The following TENM4 variants were observed in gnomAD, a reference collection of about 807,000 sequenced individuals.
The protein encoded by TENM4 is teneurin transmembrane protein 4.
A neutral mutation model predicts 243.3 loss-of-function variants in TENM4; 82 were observed. The observed-to-expected ratio is 0.34, with a 90% CI of 0.28 to 0.40. The LOEUF (loss-of-function observed/expected upper bound fraction) is 0.40, where lower values mean the gene tolerates loss of function less well. Ranked by LOEUF, TENM4 falls within the 10% of genes least tolerant of loss-of-function variation. The pLI is 1.00. For missense variants in TENM4, 3,138 were observed against 3,673.3 expected (o/e 0.85, Z 3.77); for synonymous variants, 1,412 against 1,456.3 (o/e 0.97, Z 0.69).
At chr11:78,746,264 C>T (rs1856049293) in intron 19 of TENM4, among the ~76,000 whole-genome samples, 1 of 152,250 alleles carries the variant, frequency 6.6e-6, no homozygotes, top group African/African-American at 2.4e-5. Flanking sequence ...ACCAGCTCCG[C>T]CATGGTGCCG....
chr11:79,243,943 G>C (rs1855469597), intron 2 of TENM4, among the ~76,000 whole-genome samples: 1 of 152,202 alleles, frequency 6.6e-6, no homozygotes, highest in Non-Finnish European at 1.5e-5. Flanking sequence ...TTAAAATGCA[G>C]ACTGTGATCC....
chr11:79,011,997 A>T (rs1858655518), intron 6 of TENM4, among the ~76,000 whole-genome samples: 1 of 152,022 alleles, frequency 6.6e-6, no homozygotes, highest in Non-Finnish European at 1.5e-5. Flanking sequence ...TTTATGTAAA[A>T]GTTGGTGGGC....
chr11:79,386,763 A>T (rs111958492), intron 1 of TENM4, among the ~76,000 whole-genome samples: 429 of 38,814 alleles, frequency 0.011, 2 homozygotes, highest in African/African-American at 0.026. Context: ...TTTTTTTTTT[A>T]AGTGAGCAAA....
intron 29 of TENM4, among the ~76,000 whole-genome samples, chr11:78,676,788 C>T (rs965292966): frequency 6.6e-6 from 1 of 152,106 alleles, no homozygotes; most frequent in African/African-American, 2.4e-5. Flanking sequence ...TTAACCAAGC[C>T]TCAAATAGAT....
intron 6 of TENM4, among the ~76,000 whole-genome samples, chr11:78,960,305 C>T (rs1239220526): frequency 1.3e-5 from 2 of 151,890 alleles, no homozygotes; most frequent in Admixed American, 6.6e-5. Context: ...ATGGAGAATG[C>T]AGGGTGTAAA....
intron 1 of TENM4, among the ~76,000 whole-genome samples, chr11:79,354,333 G>C (rs1043501402): frequency 2.0e-5 from 3 of 152,222 alleles, no homozygotes; most frequent in Non-Finnish European, 4.4e-5. Flanking sequence ...AGGGAATCTT[G>C]AAGGAAGTCA....
intron 1 of TENM4, among the ~76,000 whole-genome samples, chr11:79,359,363 A>G (rs1857553190): frequency 1.3e-5 from 2 of 152,204 alleles, no homozygotes; most frequent in South Asian, 4.1e-4. Context: ...ATTCTTACAC[A>G]TCATCCAGAT....
rs1293900264 is a variant in TENM4 at position 79,003,605 on chromosome 11, G to C, written c.493+61133C>G. On this transcript the variant is annotated intron_variant, in intron 6 of 33. Transcript: ENST00000278550. ...CTTTTCAGATAAGCAAATGGTAAGG[G>C]AATTTGCTACCATGAGACCTGCCTT... Among the ~76,000 whole-genome samples, 3 of 152,204 alleles carry C rather than the reference G, an allele frequency of 2.0e-5. No individual in the cohort carries two copies. The East Asian group carries it at 5.8e-4, about 29-fold the overall frequency.
intron 6 of TENM4, among the ~76,000 whole-genome samples, chr11:78,925,927 T>G (rs546057564): frequency 4.7e-5 from 7 of 150,042 alleles, no homozygotes; most frequent in Admixed American, 2.0e-4. Flanking sequence ...ATAGTTACAG[T>G]GCACTATTTG....
intron 9 of TENM4, among the ~76,000 whole-genome samples, chr11:78,887,054 T>C (rs1855562503): frequency 6.6e-6 from 1 of 152,242 alleles, no homozygotes; most frequent in Non-Finnish European, 1.5e-5. Context: ...ATCTGTGTCC[T>C]ATCACTGCTT....
intron 16 of TENM4, among the ~76,000 whole-genome samples, chr11:78,780,341 G>A (rs75480847): frequency 0.014 from 2,060 of 152,300 alleles, 16 homozygotes; most frequent in African/African-American, 0.03. Flanking sequence ...TCATCTCCCA[G>A]GATATGCTAT....
At chr11:79,228,543 G>A (rs1864317010) in intron 2 of TENM4, among the ~76,000 whole-genome samples, 2 of 151,900 alleles carry the variant, frequency 1.3e-5, no homozygotes, top group Admixed American at 1.3e-4. Flanking sequence ...GACCTCACGT[G>A]CCCACCCACG....
At chr11:78,771,802 T>G (rs957845349) in intron 17 of TENM4, among the ~76,000 whole-genome samples, 11 of 152,226 alleles carry the variant, frequency 7.2e-5, no homozygotes, top group African/African-American at 2.4e-4. Context: ...GTGATCGCCA[T>G]TGTGAAACAC....
At chr11:79,329,431 C>T (rs1422984674) in intron 1 of TENM4, among the ~76,000 whole-genome samples, 1 of 152,162 alleles carries the variant, frequency 6.6e-6, no homozygotes, top group Non-Finnish European at 1.5e-5. Context: ...CAATATAGAG[C>T]TTTTGTTTTG....
chr11:78,978,459 T>C (rs1459304207), intron 6 of TENM4, among the ~76,000 whole-genome samples: 1 of 152,178 alleles, frequency 6.6e-6, no homozygotes. Flanking sequence ...GTAGGTATTA[T>C]TGTTTCCATT....
intron 1 of TENM4, among the ~76,000 whole-genome samples, chr11:79,302,191 T>G (rs1856560726): frequency 1.3e-5 from 2 of 152,262 alleles, no homozygotes; most frequent in Admixed American, 6.5e-5. Context: ...CTCTAGGTTT[T>G]CATAAGAAAT....
In TENM4 at chr11:78,815,092, C is replaced by T. The variant is rs555731774; in HGVS notation, c.1682-697G>A. 7.2e-5 allele frequency among the ~76,000 whole-genome samples: 11 copies of T among 152,338 alleles called. No homozygotes were observed. In the East Asian group the frequency reaches 1.4e-3, roughly 19 times the overall value. On this transcript the variant is annotated intron_variant, in intron 12 of 33. Transcript: ENST00000278550. The stretch of plus-strand genomic sequence containing the variant: ...TCCAAGTCCTTTCCAGAGACAAAGA[C>T]GTTCTCTTTTCTGGCTGGGCGTGGT...
chr11:79,266,405 AC>A (rs1855884564), intron 2 of TENM4, among the ~76,000 whole-genome samples: 3 of 152,332 alleles, frequency 2.0e-5, no homozygotes, highest in African/African-American at 7.2e-5. Context: ...GCTAAAAAGT[AC>A]CTTGCATCAT....
chr11:79,373,322 C>A (rs11237809), intron 1 of TENM4, among the ~76,000 whole-genome samples: 266 of 109,584 alleles, frequency 2.4e-3, no homozygotes, highest in South Asian at 0.011. Context: ...GGCTGGCTGG[C>A]TGGCTGGCTG....
Sources: gnomAD v4.1 joint callset for allele counts (sites outside exome capture counted in the v4.1 genomes callset) on GRCh38, gnomAD v4.1.1 for gene constraint, MANE v1.5 for transcripts, NCBI Gene and HGNC (gene_info 2026-07-23, HGNC 2026-07-21) for gene names.